SPINT2: variants seen among roughly 807,000 people sequenced by gnomAD.
SPINT2 encodes the protein serine peptidase inhibitor, Kunitz type 2.
SPINT2 carries 18 observed loss-of-function variants against 30.1 expected under a neutral mutation model. That is an observed-to-expected ratio of 0.60 (90% confidence interval 0.41 to 0.89). The LOEUF (loss-of-function observed/expected upper bound fraction) is 0.89. SPINT2 is among the 40% of genes least tolerant of loss of function. SPINT2 has a pLI of 0.00. For missense variants in SPINT2, 276 were observed against 334.3 expected, an observed-to-expected ratio of 0.83 and a Z score of 1.36; for synonymous variants, 139 against 137.9, an observed-to-expected ratio of 1.01 and a Z score of -0.05.
intron 6 of SPINT2, 135 bp from the exon 7 acceptor site, chr19:38,291,705 G>T: frequency 1.8e-6 from 2 of 1,086,482 alleles, no homozygotes; most frequent in Non-Finnish European, 1.3e-6. Context: ...TGCAGTTCTG[G>T]ACCCTGTCTG....
intron 1 of SPINT2, among the ~76,000 whole-genome samples, chr19:38,267,150 A>G (rs3786873): frequency 0.19 from 29,048 of 152,206 alleles, 2,942 homozygotes; most frequent in Middle Eastern, 0.24. Context: ...GCTGCTGCCG[A>G]CTGGACCTAC....
At chr19:38,268,765 G>A (rs113006503) in intron 1 of SPINT2, among the ~76,000 whole-genome samples, 5 of 107,758 alleles carry the variant, frequency 4.6e-5, no homozygotes, top group South Asian at 2.9e-4. Context: ...ATGCGCGCGC[G>A]CGTGTGTGTG....
intron 1 of SPINT2, among the ~76,000 whole-genome samples, chr19:38,268,551 G>T (rs1383169106): frequency 6.6e-6 from 1 of 152,176 alleles, no homozygotes; most frequent in African/African-American, 2.4e-5. Flanking sequence ...GGCAGGAGCC[G>T]AGTACCTCTT....
intron 1 of SPINT2, among the ~76,000 whole-genome samples, chr19:38,280,653 C>A (rs1046042655): frequency 4.6e-5 from 7 of 152,120 alleles, no homozygotes; most frequent in African/African-American, 1.7e-4. Flanking sequence ...TTCTCCTACA[C>A]ACCCTCAGGC....
intron 1 of SPINT2, among the ~76,000 whole-genome samples, chr19:38,268,777 G>A (rs954532312): frequency 6.6e-6 from 1 of 152,096 alleles, no homozygotes; most frequent in African/African-American, 2.4e-5. Context: ...GTGTGTGTGT[G>A]TGTGTGTGTG....
At chr19:38,275,335 A>AT (rs113697984) in intron 1 of SPINT2, among the ~76,000 whole-genome samples, 40 of 151,514 alleles carry the variant, frequency 2.6e-4, no homozygotes, top group African/African-American at 9.5e-4. Flanking sequence ...TTCTTTCCTT[A>AT]TTTTTTTGAC....
chr19:38,268,691 G>A (rs1968409646), intron 1 of SPINT2, among the ~76,000 whole-genome samples: 2 of 152,080 alleles, frequency 1.3e-5, no homozygotes, highest in Admixed American at 1.3e-4. Flanking sequence ...GCTCCATTTA[G>A]TAAATGGTAA....
chr19:38,288,129 C>G, intron 3 of SPINT2, 194 bp downstream of exon 3: 6 of 662,976 alleles, frequency 9.1e-6, no homozygotes, highest in Non-Finnish European at 1.6e-5. Flanking sequence ...TACTGTCCAG[C>G]TGACACAGGG....
chr19:38,281,507 C>T (rs550614434), intron 1 of SPINT2, among the ~76,000 whole-genome samples: 4 of 152,114 alleles, frequency 2.6e-5, no homozygotes, highest in Admixed American at 6.6e-5. Context: ...GTCAGAAGTT[C>T]GAGACCAGCC....
At chr19:38,288,764 C>T (rs997712902) in intron 3 of SPINT2, 18 of 273,528 alleles carry the variant, frequency 6.6e-5, no homozygotes, top group Non-Finnish European at 1.3e-4. Flanking sequence ...CTCTGCCTGG[C>T]TCCCTGTTTA....
intron 1 of SPINT2, among the ~76,000 whole-genome samples, chr19:38,282,480 C>T (rs544323551): frequency 6.6e-6 from 1 of 152,232 alleles, no homozygotes; most frequent in South Asian, 2.1e-4. Context: ...CTTTTCAGGT[C>T]GCCTTCAATC....
chr19:38,265,957 T>G (rs1968372989), intron 1 of SPINT2, among the ~76,000 whole-genome samples: 1 of 152,176 alleles, frequency 6.6e-6, no homozygotes, highest in Admixed American at 6.6e-5. Flanking sequence ...GAGAATTAAA[T>G]GAACCAGGTG....
intron 3 of SPINT2, 81 bp downstream of exon 3, chr19:38,288,016 T>A: frequency 6.7e-7 from 1 of 1,503,084 alleles, no homozygotes; most frequent in South Asian, 1.1e-5. Flanking sequence ...TTGGGAACTG[T>A]CACAGGCTTC....
chr19:38,268,260 A>G (rs2146264774), intron 1 of SPINT2, among the ~76,000 whole-genome samples: 2 of 152,226 alleles, frequency 1.3e-5, no homozygotes, highest in South Asian at 4.1e-4. Context: ...TCCTGACTCC[A>G]ACCTCTGCAG....
At chr19:38,287,054 T>G (rs1292727079) in intron 2 of SPINT2, among the ~76,000 whole-genome samples, 2 of 152,200 alleles carry the variant, frequency 1.3e-5, no homozygotes, top group Non-Finnish European at 1.5e-5. Flanking sequence ...TTCACTCTTG[T>G]TGCCCAGGTT....
At chr19:38,268,537 C>G (rs1209893567) in intron 1 of SPINT2, among the ~76,000 whole-genome samples, 1 of 152,198 alleles carries the variant, frequency 6.6e-6, no homozygotes, top group Non-Finnish European at 1.5e-5. Context: ...GCCCAGCAGT[C>G]CCTGGCAGGA....
At position 38,290,930 on chromosome 19, in the gene SPINT2, AC is replaced by A. The variant is rs1600353203; in HGVS notation, c.592+356del. 3.0e-5 allele frequency: 12 copies of A among 398,720 alleles called. No individual in the cohort carries two copies. In the East Asian group the frequency reaches 6.9e-4, roughly 23 times the overall value. The allele number at this position is 398,720 out of a possible 1,614,324, so 24.7% of individuals were successfully genotyped here. A position where few individuals can be genotyped will look rare whatever the true frequency, so the allele number is the denominator to read the frequency against. ...ATAAGAGTTGGTCACGGGTGACAGG[AC>A]GGAGGACCACGGGCCAGGGTGTTTC... is the stretch of plus-strand genomic sequence containing the variant. On this transcript the variant is annotated intron_variant, in intron 6 of 6. Coordinates refer to ENST00000301244, the MANE Select transcript of SPINT2 (RefSeq NM_021102.4). This position sits in a 1 kb window ranked among gnomAD's most constrained non-coding sequence, Gnocchi z 4.3.
At chr19:38,267,993 G>T (rs898198915) in intron 1 of SPINT2, among the ~76,000 whole-genome samples, 1 of 152,144 alleles carries the variant, frequency 6.6e-6, no homozygotes, top group Admixed American at 6.5e-5. Context: ...AATTAGGTAA[G>T]AGGGTGGCAA....
rs763170725 is a variant in SPINT2, at chr19:38,290,487, C to T, written c.554-50C>T. On this transcript the variant is annotated intron_variant, in intron 5 of 6. Coordinates refer to ENST00000301244, the MANE Select transcript of SPINT2 (RefSeq NM_021102.4). The surrounding 1 kb of genome is among the most constrained non-coding windows in gnomAD (Gnocchi z 4.3). ...GCTGAGGGGATCCCCTGCGGCAGCT[C>T]TGTGGAATGGGGGCTGTGAGCTGAC... The T allele has an allele frequency of 3.1e-6, 5 of 1,613,730 alleles. No individual in the cohort carries two copies. In the African/African-American group the frequency reaches 4.0e-5, roughly 13 times the overall value.
Sources: gnomAD v4.1 joint callset for allele counts (sites outside exome capture counted in the v4.1 genomes callset) on GRCh38, gnomAD v4.1.1 for gene constraint, Gnocchi (gnomAD v3.1) non-coding constraint, MANE v1.5 for transcripts, NCBI Gene and HGNC (gene_info 2026-07-23, HGNC 2026-07-21) for gene names.